The following QKI variants were observed in gnomAD, a reference collection of about 807,000 sequenced individuals.
QKI encodes KH domain-containing RNA-binding protein QKI.
QKI carries 10 observed loss-of-function variants against 39.0 expected under a neutral mutation model. That is an observed-to-expected ratio of 0.26 (90% CI 0.16 to 0.43). QKI has a LOEUF of 0.43. Ranked by LOEUF, QKI falls within the 20% of genes least tolerant of loss-of-function variation. QKI has a pLI of 1.00. For missense variants in QKI, 218 were observed against 428.0 expected (o/e 0.51, Z 4.33); for synonymous variants, 204 against 155.4 (o/e 1.31, Z -2.33).
At chr6:163,447,922 G>A (rs185570515) in intron 1 of QKI, among the ~76,000 whole-genome samples, 13 of 152,178 alleles carry the variant, frequency 8.5e-5, no homozygotes, top group Admixed American at 4.6e-4. Context: ...AATAGTCCTC[G>A]TAAATTCATC....
intron 1 of QKI, among the ~76,000 whole-genome samples, chr6:163,439,971 C>T: frequency 6.6e-6 from 1 of 152,122 alleles, no homozygotes; most frequent in East Asian, 1.9e-4. Flanking sequence ...TAGAAGTCCT[C>T]ATGGATGAGT....
rs918688869 is a variant in QKI, at chr6:163,559,871, C to G, written c.547-2111C>G. Reference sequence around the variant, plus strand: ...TCCCGTTTTATGAATCAGAGAGGAACAAGACTATGTCAGAAAATTGTTGCA... The same window carrying G: ...TCCCGTTTTATGAATCAGAGAGGAAGAAGACTATGTCAGAAAATTGTTGCA... On this transcript the variant is annotated intron_variant, in intron 4 of 7. Coordinates refer to ENST00000361752, the MANE Select transcript of QKI (RefSeq NM_006775.3). 2.6e-5 allele frequency among the ~76,000 whole-genome samples: 4 copies of G among 152,260 alleles called. No individual in the cohort carries two copies. In the East Asian group the frequency reaches 5.8e-4, roughly 22 times the overall value.
chr6:163,570,154 G>A, intron 7 of QKI: 4 of 985,760 alleles, frequency 4.1e-6, no homozygotes, highest in Non-Finnish European at 4.8e-6. Flanking sequence ...AACCTTGTTT[G>A]GCCCAGAGTT....
chr6:163,431,507 A>G (rs1479889446), intron 1 of QKI, among the ~76,000 whole-genome samples: 1 of 151,046 alleles, frequency 6.6e-6, no homozygotes, highest in Non-Finnish European at 1.5e-5. Flanking sequence ...TACATTTTTT[A>G]AATTTGGGAA....
chr6:163,469,706 G>T (rs891752780), intron 2 of QKI, among the ~76,000 whole-genome samples: 1 of 152,148 alleles, frequency 6.6e-6, no homozygotes, highest in Non-Finnish European at 1.5e-5. Flanking sequence ...TATTATCTCT[G>T]TCCAGGTTGG....
chr6:163,515,177 A>G (rs1441953406), intron 3 of QKI, among the ~76,000 whole-genome samples: 2 of 152,160 alleles, frequency 1.3e-5, no homozygotes, highest in Non-Finnish European at 2.9e-5. Context: ...GCACCTTTAT[A>G]TTTAATGAGA....
At chr6:163,461,529 T>C (rs1791350534) in intron 2 of QKI, among the ~76,000 whole-genome samples, 1 of 152,200 alleles carries the variant, frequency 6.6e-6, no homozygotes, top group Admixed American at 6.5e-5. Flanking sequence ...AAAAAGAGTT[T>C]CATGTTAGGA....
Position 163,569,519 on chromosome 6 carries a change from A to G in QKI, c.1010-1175A>G, listed in dbSNP as rs1183195716. On this transcript the variant is annotated intron_variant, in intron 7 of 7. Transcript: ENST00000361752. Reference sequence around the variant, plus strand: ...TTAAGCTGTTGAATGAGTCTTAAAAATTATACTACTGTTAAGTGGACCAAG... The same window carrying G: ...TTAAGCTGTTGAATGAGTCTTAAAAGTTATACTACTGTTAAGTGGACCAAG... 5.6e-6 allele frequency: 7 copies of G among 1,255,916 alleles called. No homozygotes were observed. The African/African-American group carries it at 6.3e-5, about 11-fold the overall frequency. 77.8% of individuals were successfully genotyped at this position (1,255,916 alleles called of 1,614,324 possible).
chr6:163,539,580 G>A (rs149634605), intron 4 of QKI, among the ~76,000 whole-genome samples: 10 of 152,190 alleles, frequency 6.6e-5, no homozygotes, highest in African/African-American at 1.9e-4. Context: ...AATAGGCAGC[G>A]GCAGAATGTC....
intron 1 of QKI, among the ~76,000 whole-genome samples, chr6:163,417,783 C>T (rs551742997): frequency 4.6e-4 from 70 of 152,220 alleles, no homozygotes; most frequent in South Asian, 2.9e-3. Context: ...GTAAAGATTG[C>T]TTCTGTGTGG....
chr6:163,551,892 T>C (rs1583208307), intron 4 of QKI, among the ~76,000 whole-genome samples: 1 of 152,202 alleles, frequency 6.6e-6, no homozygotes, highest in African/African-American at 2.4e-5. Flanking sequence ...TCCCTAAAAT[T>C]GTATGCAACA....
At chr6:163,520,972 T>C (rs1208540018) in intron 3 of QKI, among the ~76,000 whole-genome samples, 1 of 152,084 alleles carries the variant, frequency 6.6e-6, no homozygotes, top group Non-Finnish European at 1.5e-5. Context: ...GTAGGAGAAA[T>C]GTATGCCTAG....
chr6:163,472,854 G>GGTATATGTAAAGCTTTAGAT (rs1368745790), intron 2 of QKI, among the ~76,000 whole-genome samples: 2 of 152,060 alleles, frequency 1.3e-5, no homozygotes, highest in African/African-American at 4.8e-5. Context: ...CCAGCTTAGA[G>GGTATATGTAAAGCTTTAGAT]GTATATGTAA....
intron 3 of QKI, among the ~76,000 whole-genome samples, chr6:163,484,080 G>A (rs950046797): frequency 6.6e-6 from 1 of 152,136 alleles, no homozygotes; most frequent in South Asian, 2.1e-4. Context: ...ATTTGGAAAG[G>A]AATCTCTTTT....
chr6:163,461,100 ATAAGTTCAAC>A (rs1404585015), intron 2 of QKI, among the ~76,000 whole-genome samples: 3 of 152,228 alleles, frequency 2.0e-5, no homozygotes, highest in African/African-American at 7.2e-5. Context: ...AACTTAATGT[ATAAGTTCAAC>A]TAGATCGGTT....
chr6:163,518,787 A>C (rs1470198705), intron 3 of QKI, among the ~76,000 whole-genome samples: 1 of 152,170 alleles, frequency 6.6e-6, no homozygotes, highest in Admixed American at 6.5e-5. Context: ...AGATTGTAGT[A>C]ACTACTCTTT....
At chr6:163,569,427 C>G (rs956163444) in intron 7 of QKI, 1 of 1,272,256 alleles carries the variant, frequency 7.9e-7, no homozygotes, top group Non-Finnish European at 1.0e-6. Context: ...TTCACATCTC[C>G]TCTGCCTTAG....
At chr6:163,430,029 T>C (rs1326906567) in intron 1 of QKI, among the ~76,000 whole-genome samples, 2 of 152,158 alleles carry the variant, frequency 1.3e-5, no homozygotes, top group Non-Finnish European at 2.9e-5. Flanking sequence ...AAATTTCATC[T>C]GGCTCTTAAA....
intron 3 of QKI, among the ~76,000 whole-genome samples, chr6:163,479,573 T>C (rs12199364): frequency 6.6e-6 from 1 of 152,308 alleles, no homozygotes; most frequent in African/African-American, 2.4e-5. Context: ...GGTTTCACCA[T>C]GTTGGTCAGT....
Sources: gnomAD v4.1 joint callset for allele counts (sites outside exome capture counted in the v4.1 genomes callset) on GRCh38, gnomAD v4.1.1 for gene constraint, MANE v1.5 for transcripts, NCBI Gene and HGNC (gene_info 2026-07-23, HGNC 2026-07-21) for gene names.